ARHGEF10: variants seen among roughly 807,000 people sequenced by gnomAD.
ARHGEF10 encodes Rho guanine nucleotide exchange factor (GEF) 10.
In ARHGEF10, 140 loss-of-function variants were observed where a neutral mutation model predicts 147.4. The ratio of observed to expected loss-of-function variants is 0.95; its 90% CI spans 0.83 to 1.09. ARHGEF10 has a LOEUF of 1.09. Among genes scored for constraint, ARHGEF10 ranks in the 50% least tolerant of loss-of-function variants. The probability of loss-of-function intolerance (pLI) is 0.00; values close to 1 mark genes in which losing one functional copy is unlikely to be tolerated. For synonymous variants in ARHGEF10, 902 were observed against 695.8 expected, an observed-to-expected ratio of 1.30 and a Z score of -4.67; for missense variants, 2,222 against 1,752.7, an observed-to-expected ratio of 1.27 and a Z score of -4.78.
At chr8:1,897,548 C>G (rs1332588900) in intron 14 of ARHGEF10, among the ~76,000 whole-genome samples, 1 of 150,100 alleles carries the variant, frequency 6.7e-6, no homozygotes, top group African/African-American at 2.5e-5. Context: ...AGTTCCCCCT[C>G]TGGACAGCTG....
chr8:1,865,950 G>A (rs140816410), intron 5 of ARHGEF10, among the ~76,000 whole-genome samples: 2 of 152,338 alleles, frequency 1.3e-5, no homozygotes, highest in African/African-American at 4.8e-5. Flanking sequence ...TGTGTGCAGT[G>A]AGTCTGACCT....
At chr8:1,919,036 C>T (rs1178130603) in intron 18 of ARHGEF10, among the ~76,000 whole-genome samples, 2 of 138,034 alleles carry the variant, frequency 1.4e-5, no homozygotes, top group Non-Finnish European at 3.0e-5. Flanking sequence ...TGGAGCTGTT[C>T]TGTGGGTGAT....
intron 10 of ARHGEF10, among the ~76,000 whole-genome samples, chr8:1,884,801 G>T (rs1808514313): frequency 6.6e-6 from 1 of 152,174 alleles, no homozygotes; most frequent in Non-Finnish European, 1.5e-5. Context: ...GTCTCACTCT[G>T]TCGCCCAGGC....
chr8:1,865,663 T>C (rs1017051615), intron 5 of ARHGEF10, among the ~76,000 whole-genome samples: 1 of 152,180 alleles, frequency 6.6e-6, no homozygotes, highest in East Asian at 1.9e-4. Flanking sequence ...TTGGGGCCTG[T>C]TAGAGCTTTT....
chr8:1,876,636 T>C lies in ARHGEF10; in HGVS notation c.745T>C (p.Trp249Arg), dbSNP rs560640705. The C allele has an allele frequency of 1.2e-6, 2 of 1,614,188 alleles. No homozygotes were observed. Among genetic ancestry groups the C allele is most frequent in the Admixed American group, 1.7e-5 (1 of 60,028 alleles). The change falls in exon 8 of 29, where the codon TGG becomes CGG. Residue 249 changes from tryptophan to arginine, a missense_variant. Transcript: ENST00000349830. ...TGGAAACAGCTCCTTGGAATACGGATGGAGTTCGAGTGAATTTGAAAGTTA... is the reference window on the plus strand; with the variant it reads ...TGGAAACAGCTCCTTGGAATACGGACGGAGTTCGAGTGAATTTGAAAGTTA... Reference protein sequence around the residue: ...EGGNSSLEYGWSSSEFESYEE... With the variant: ...EGGNSSLEYGRSSSEFESYEE...
At chr8:1,955,349 C>CG (rs1815448395) in intron 28 of ARHGEF10, among the ~76,000 whole-genome samples, 5 of 91,624 alleles carry the variant, frequency 5.5e-5, no homozygotes, top group Admixed American at 1.1e-4. Context: ...CACTGTGTTT[C>CG]TCTGGATGGG....
chr8:1,945,046 G>A (rs1409848183), intron 26 of ARHGEF10, among the ~76,000 whole-genome samples: 2 of 152,238 alleles, frequency 1.3e-5, no homozygotes, highest in African/African-American at 2.4e-5. Flanking sequence ...GGACAGCAGA[G>A]CTAAGAGGAG....
At chr8:1,920,070 C>CTA (rs1812153956) in intron 18 of ARHGEF10, among the ~76,000 whole-genome samples, 1 of 148,860 alleles carries the variant, frequency 6.7e-6, no homozygotes, top group Non-Finnish European at 1.5e-5. Flanking sequence ...TGGAGCTGTT[C>CTA]TGTGGGTGAT....
At position 1,898,464 on chromosome 8, in the gene ARHGEF10, C is replaced by T. The variant is rs781482995; in HGVS notation, c.1589C>T (p.Thr530Met). 23 of 1,614,136 alleles carry T rather than the reference C, an allele frequency of 1.4e-5. No homozygotes were observed. Among genetic ancestry groups the T allele is most frequent in the Middle Eastern group, 1.6e-4 (1 of 6,062 alleles). ...CAGGAGGCCAGCCCCGATCGAACCA[C>T]GCTCTACAGCCTGATGATGAAGCCC... The part of the protein sequence containing the change: ...QEQEASPDRT[T>M]LYSLMMKPIQ... The change falls in exon 15 of 29, where the codon ACG becomes ATG. Residue 530 changes from threonine (T) to methionine (M), a missense_variant. Physicochemically the swap from Thr to Met is moderately conservative, Grantham distance 81. Transcript: ENST00000349830.
intron 1 of ARHGEF10, among the ~76,000 whole-genome samples, chr8:1,841,853 G>GAGGCGCCGAACCAC: frequency 8.0e-6 from 1 of 124,458 alleles, no homozygotes; most frequent in Non-Finnish European, 1.8e-5. Context: ...CTGGGGCCGC[G>GAGGCGCCGAACCAC]GCGGGAACTG....
chr8:1,888,837 AATAGG>A (rs1809072262), intron 11 of ARHGEF10, among the ~76,000 whole-genome samples: 2 of 89,606 alleles, frequency 2.2e-5, no homozygotes, highest in African/African-American at 7.0e-5. Flanking sequence ...GGAGACACTG[AATAGG>A]GTGAGGTTTG....
intron 28 of ARHGEF10, among the ~76,000 whole-genome samples, chr8:1,956,255 A>T (rs1815556957): frequency 6.6e-6 from 1 of 152,214 alleles, no homozygotes; most frequent in African/African-American, 2.4e-5. Context: ...CCTAATTTTA[A>T]TCAAATTATA....
At chr8:1,839,026 G>A (rs907420056) in intron 1 of ARHGEF10, among the ~76,000 whole-genome samples, 1 of 152,084 alleles carries the variant, frequency 6.6e-6, no homozygotes, top group East Asian at 1.9e-4. Flanking sequence ...TGTGGGGACT[G>A]TCCAGCGTGG....
chr8:1,928,969 A>G (rs199525385), intron 24 of ARHGEF10, among the ~76,000 whole-genome samples: 1 of 152,224 alleles, frequency 6.6e-6, no homozygotes, highest in South Asian at 2.1e-4. Context: ...TTGGAATAAA[A>G]CAGCCATATT....
intron 9 of ARHGEF10, 67 bp downstream of exon 9, chr8:1,880,231 C>G: frequency 9.0e-7 from 1 of 1,111,292 alleles, no homozygotes. Context: ...CCGCGCGGCT[C>G]GGTCGGTCCT....
Position 1,894,493 on chromosome 8 carries a change from C to T in ARHGEF10, c.1361C>T (p.Ser454Leu), listed in dbSNP as rs1809810549. Residue 454 changes from serine to leucine, a missense_variant, in exon 13 of 29, where the codon TCG becomes TTG. Coordinates refer to ENST00000349830, the MANE Select transcript of ARHGEF10 (RefSeq NM_014629.4). Reference sequence around the variant, plus strand: ...GTCAAAGAGATCCTGCAGTGCCACTCGCTATTTCAGATCGCGCTGGCCAGC... The same window carrying T: ...GTCAAAGAGATCCTGCAGTGCCACTTGCTATTTCAGATCGCGCTGGCCAGC... ...YRVKEILQCH[S>L]LFQIALASRV... The T allele has an allele frequency of 4.3e-6, 7 of 1,614,070 alleles. No homozygotes were observed. Among genetic ancestry groups the T allele is most frequent in the Admixed American group, 1.7e-5 (1 of 60,008 alleles).
At chr8:1,909,617 C>G in intron 18 of ARHGEF10, 147 bp downstream of exon 18, 1 of 1,154,930 alleles carries the variant, frequency 8.7e-7, no homozygotes, top group South Asian at 1.3e-5. Context: ...TCTCTAGAAT[C>G]TGTATGCTGT....
At chr8:1,859,084 T>C (rs1805856552) in intron 3 of ARHGEF10, among the ~76,000 whole-genome samples, 1 of 150,538 alleles carries the variant, frequency 6.6e-6, no homozygotes, top group African/African-American at 2.4e-5. Flanking sequence ...CGGTGTTTCT[T>C]TGTGCATAGT....
At chr8:1,919,410 G>A (rs1812035427) in intron 18 of ARHGEF10, among the ~76,000 whole-genome samples, 2 of 147,514 alleles carry the variant, frequency 1.4e-5, no homozygotes, top group South Asian at 2.2e-4. Flanking sequence ...GGATGATGGA[G>A]CTGTTCCTTG....
Sources: gnomAD v4.1 joint callset for allele counts (sites outside exome capture counted in the v4.1 genomes callset) on GRCh38, gnomAD v4.1.1 for gene constraint, MANE v1.5 for transcripts, NCBI Gene and HGNC (gene_info 2026-07-23, HGNC 2026-07-21) for gene names.